The following SLC14A2 variants were observed in gnomAD, a reference collection of about 807,000 sequenced individuals.
The protein encoded by SLC14A2 is solute carrier family 14 member 2.
In SLC14A2, 91 loss-of-function variants were observed where a neutral mutation model predicts 104.6. The ratio of observed to expected loss-of-function variants is 0.87; its 90% CI spans 0.73 to 1.04. The LOEUF (loss-of-function observed/expected upper bound fraction) is 1.04. Ranked by LOEUF, SLC14A2 falls within the 50% of genes least tolerant of loss-of-function variation. The probability of loss-of-function intolerance (pLI) is 0.00; values close to 1 mark genes in which losing one functional copy is unlikely to be tolerated. For synonymous variants in SLC14A2, 476 were observed against 466.4 expected, an observed-to-expected ratio of 1.02 and a Z score of -0.27; for missense variants, 1,189 against 1,156.0, an observed-to-expected ratio of 1.03 and a Z score of -0.41.
chr18:45,219,249 G>C (rs913147779), intron 1 of SLC14A2, among the ~76,000 whole-genome samples: 22 of 152,252 alleles, frequency 1.4e-4, no homozygotes, highest in African/African-American at 5.3e-4. Context: ...AAATAACATG[G>C]AAAAATCAAT....
At chr18:45,181,273 G>A in the SLC14A2 span, 2 of 152,266 alleles carry the variant, frequency 1.3e-5, no homozygotes, top group Non-Finnish European at 2.9e-5. Flanking sequence ...TTCTTCAGGT[G>A]AGGGAATAAT....
At chr18:45,493,302 T>C (rs993355717) in intron 2 of SLC14A2, 4 of 152,208 alleles carry the variant, frequency 2.6e-5, no homozygotes, top group Admixed American at 6.5e-5. Flanking sequence ...CCCAACATGA[T>C]GGATAAAATG....
In SLC14A2 at chr18:45,672,661, G is replaced by A. The variant is rs79809000; in HGVS notation, c.2230-239G>A. Among the ~76,000 whole-genome samples, 606 of 152,216 alleles carry A rather than the reference G, an allele frequency of 4.0e-3. 1 individual carries two copies. Among genetic ancestry groups the A allele is most frequent in the Non-Finnish European group, 6.6e-3 (450 of 68,002 alleles). ...CTTCCCTGAGGGATAAATGCCTCAC[G>A]CTCATATTTCTAAATAAAGGAAACT... On this transcript the variant is annotated intron_variant, in intron 16 of 19. Transcript: ENST00000255226.
chr18:45,236,001 A>G (rs1486677313), intron 1 of SLC14A2, among the ~76,000 whole-genome samples: 1 of 62,204 alleles, frequency 1.6e-5, no homozygotes, highest in Non-Finnish European at 2.7e-5. Context: ...ATATATACAT[A>G]TATGTGTGTA....
chr18:45,536,664 A>G (rs1255869168), intron 2 of SLC14A2, among the ~76,000 whole-genome samples: 1 of 152,186 alleles, frequency 6.6e-6, no homozygotes, highest in Non-Finnish European at 1.5e-5. Context: ...TCACATTCTC[A>G]GGTATTGGGG....
At chr18:45,662,658 C>T (rs557555040) in intron 10 of SLC14A2, among the ~76,000 whole-genome samples, 3 of 152,250 alleles carry the variant, frequency 2.0e-5, no homozygotes, top group African/African-American at 7.2e-5. Flanking sequence ...CTCAATTTTC[C>T]ACCTTTTAGT....
At chr18:45,362,603 T>C (rs1439269512) in intron 1 of SLC14A2, among the ~76,000 whole-genome samples, 1 of 152,210 alleles carries the variant, frequency 6.6e-6, no homozygotes, top group Admixed American at 6.5e-5. Flanking sequence ...GGTCTTTGCA[T>C]GTTTACAAGT....
At chr18:45,473,609 G>A (rs955178241) in intron 1 of SLC14A2, among the ~76,000 whole-genome samples, 1 of 152,128 alleles carries the variant, frequency 6.6e-6, no homozygotes, top group Non-Finnish European at 1.5e-5. Flanking sequence ...TTGTAAGTTG[G>A]ATTCTTAGAT....
intron 2 of SLC14A2, among the ~76,000 whole-genome samples, chr18:45,530,943 T>C (rs1598967304): frequency 6.6e-6 from 1 of 151,906 alleles, no homozygotes; most frequent in East Asian, 1.9e-4. Context: ...AGTGAGAACA[T>C]GCGGTGTTTG....
At chr18:45,549,044 C>A (rs72902395) in intron 2 of SLC14A2, among the ~76,000 whole-genome samples, 13,695 of 152,286 alleles carry the variant, frequency 0.09, 762 homozygotes, top group Non-Finnish European at 0.12. Flanking sequence ...CGAAGGCTAG[C>A]GCCTCCTCCA....
the SLC14A2 span, among the ~76,000 whole-genome samples, chr18:45,207,720 A>C: frequency 6.6e-6 from 1 of 152,208 alleles, no homozygotes; most frequent in Non-Finnish European, 1.5e-5. Context: ...TAGAGCAAAC[A>C]CACAGACATA....
At chr18:45,250,950 A>C (rs77635462) in intron 1 of SLC14A2, among the ~76,000 whole-genome samples, 11,716 of 152,082 alleles carry the variant, frequency 0.077, 507 homozygotes, top group African/African-American at 0.092. Context: ...CCTCTGAAAG[A>C]GTTAGCAGAA....
the SLC14A2 span, among the ~76,000 whole-genome samples, chr18:45,201,429 C>A: frequency 6.6e-6 from 1 of 152,024 alleles, no homozygotes; most frequent in Non-Finnish European, 1.5e-5. Flanking sequence ...TCGGTATGGA[C>A]TCATGGATAT....
At chr18:45,472,855 T>C (rs544425631) in intron 1 of SLC14A2, among the ~76,000 whole-genome samples, 1 of 152,342 alleles carries the variant, frequency 6.6e-6, no homozygotes, top group South Asian at 2.1e-4. Context: ...TAGTTTCTTT[T>C]GCTGTGCAGA....
At chr18:45,283,229 T>A (rs115188273) in intron 1 of SLC14A2, among the ~76,000 whole-genome samples, 5 of 150,080 alleles carry the variant, frequency 3.3e-5, no homozygotes, top group African/African-American at 1.2e-4. Flanking sequence ...TCTGAACACG[T>A]CGAGTCTCCT....
In SLC14A2 at chr18:45,255,266, C is replaced by T. The variant is rs546685746; in HGVS notation, c.-125+42075C>T. ...GTTTTCTCTTCCTACTGCTGGCTCA[C>T]ATCACCTCTAGTGTCACACCAGAGT... On this transcript the variant is annotated intron_variant, in intron 1 of 20. Coordinates refer to the SLC14A2 transcript ENST00000586448. Among the ~76,000 whole-genome samples the T allele has an allele frequency of 3.3e-5, 5 of 152,302 alleles. No homozygotes were observed. The South Asian group carries it at 1.0e-3, about 32-fold the overall frequency.
At chr18:45,192,614 T>TTG in the SLC14A2 span, among the ~76,000 whole-genome samples, 1,741 of 146,576 alleles carry the variant, frequency 0.012, 36 homozygotes, top group African/African-American at 0.036. Context: ...GGTAGTGGTT[T>TTG]TGTGTGTGTG....
intron 2 of SLC14A2, among the ~76,000 whole-genome samples, chr18:45,526,637 G>T (rs183367069): frequency 3.0e-4 from 45 of 152,202 alleles, no homozygotes; most frequent in Non-Finnish European, 6.2e-4. Flanking sequence ...AGGGATCATA[G>T]GGTGTATAAT....
intron 1 of SLC14A2, among the ~76,000 whole-genome samples, chr18:45,283,777 C>A (rs1297608039): frequency 2.0e-5 from 3 of 152,038 alleles, no homozygotes; most frequent in Admixed American, 6.5e-5. Flanking sequence ...CTCGTGGGTT[C>A]TTGTCTTACC....
Sources: gnomAD v4.1 joint callset for allele counts (sites outside exome capture counted in the v4.1 genomes callset) on GRCh38, gnomAD v4.1.1 for gene constraint, MANE v1.5 for transcripts, NCBI Gene and HGNC (gene_info 2026-07-23, HGNC 2026-07-21) for gene names.